The following NBR1 variants were observed in gnomAD, a reference collection of about 807,000 sequenced individuals.
NBR1 encodes next to BRCA1 gene 1 protein.
NBR1 carries 59 observed loss-of-function variants against 115.5 expected under a neutral mutation model. That is an observed-to-expected ratio of 0.51 (90% CI 0.41 to 0.63). NBR1 has a LOEUF of 0.63. Among genes scored for constraint, NBR1 ranks in the 30% least tolerant of loss-of-function variants. The probability of loss-of-function intolerance (pLI) is 0.00; values close to 1 mark genes in which losing one functional copy is unlikely to be tolerated. For synonymous variants in NBR1, 373 were observed against 414.7 expected, an observed-to-expected ratio of 0.90 and a Z score of 1.22; for missense variants, 1,043 against 1,150.5, an observed-to-expected ratio of 0.91 and a Z score of 1.35.
chr17:43,208,195 C>G (rs2057352521), intron 20 of NBR1, among the ~76,000 whole-genome samples: 1 of 152,098 alleles, frequency 6.6e-6, no homozygotes, highest in African/African-American at 2.4e-5. Context: ...CAGGCTACAA[C>G]AGGCAGAAGC....
At chr17:43,181,881 G>A (rs1279747738) in intron 5 of NBR1, among the ~76,000 whole-genome samples, 1 of 149,338 alleles carries the variant, frequency 6.7e-6, no homozygotes, top group Non-Finnish European at 1.5e-5. Context: ...CTACTTGGGA[G>A]GCCAAGGCAG....
At chr17:43,185,720 G>A (rs1326308687) in intron 5 of NBR1, among the ~76,000 whole-genome samples, 1 of 152,044 alleles carries the variant, frequency 6.6e-6, no homozygotes, top group Non-Finnish European at 1.5e-5. Flanking sequence ...TTCTAGGCTG[G>A]GCACGGTGGC....
chr17:43,173,565 A>T (rs879651626), intron 1 of NBR1, among the ~76,000 whole-genome samples: 11 of 152,196 alleles, frequency 7.2e-5, no homozygotes, highest in Admixed American at 3.3e-4. Flanking sequence ...AATTACAGAC[A>T]TGAGCCACTG....
At position 43,196,481 on chromosome 17, in the gene NBR1, A is replaced by T. The variant is rs2057070585; in HGVS notation, c.1751A>T (p.Asp584Val). Residue 584 changes from aspartate (D) to valine (V), a missense_variant and splice_region_variant, in exon 15 of 21, where the codon GAT (aspartate) becomes GTT (valine). Transcript: ENST00000590996. ...LERVPHNTPV[D>V]VTPCMSPLPH... ...TGGTTCTCCTGTCTTCATTCTCCAG[A>T]TGTGACTCCCTGCATGTCTCCTCTG... 1.3e-6 allele frequency: 2 copies of T among 1,560,698 alleles called. No individual in the cohort carries two copies. Among genetic ancestry groups the T allele is most frequent in the Non-Finnish European group, 1.7e-6 (2 of 1,154,654 alleles).
chr17:43,203,530 T>G, intron 19 of NBR1, 151 bp from the exon 20 acceptor site: 1 of 551,256 alleles, frequency 1.8e-6, no homozygotes, highest in Non-Finnish European at 3.3e-6. Flanking sequence ...TCTGTAGCTA[T>G]AAAGCTGATA....
Position 43,193,107 on chromosome 17 carries a change from C to T in NBR1, c.1087C>T (p.Pro363Ser). 1.2e-6 allele frequency: 2 copies of T among 1,613,916 alleles called. No individual in the cohort carries two copies. Among genetic ancestry groups the T allele is most frequent in the Non-Finnish European group, 1.7e-6 (2 of 1,179,860 alleles). Residue 363 changes from proline to serine, a missense_variant, in exon 11 of 21, where the codon CCC becomes TCC. By Grantham distance (74) the Pro-to-Ser change is moderately conservative. Transcript: ENST00000590996. ...QSNTLMLPLQ[P>S]CTSVMPMLSA... ...ATTTCTGTTCAGGCTCCCTTTGCAG[C>T]CCTGTACCTCCGTTATGCCAATGCT...
chr17:43,190,651 G>A lies in NBR1; in HGVS notation c.738G>A (p.Gly246=). The change falls in exon 9 of 21, where the codon GGG becomes GGA. Residue 246 remains glycine (G), a synonymous_variant. Transcript: ENST00000590996. ...SYNICEDCEA[G]PYGHDTNHVL... is the part of the protein sequence containing the mutation. ...ATATCTGTGAAGATTGTGAAGCAGGGCCATATGGCCATGACACTAACCACG... is the reference window on the plus strand; with the variant it reads ...ATATCTGTGAAGATTGTGAAGCAGGACCATATGGCCATGACACTAACCACG... 6.2e-7 allele frequency: 1 copy of A among 1,608,858 alleles called. No individual in the cohort carries two copies. Among genetic ancestry groups the A allele is most frequent in the Non-Finnish European group, 8.5e-7 (1 of 1,177,512 alleles).
rs757525307 is a variant in NBR1 at position 43,196,541 on chromosome 17, T to G, written c.1811T>G (p.Leu604Trp). 2 of 1,606,818 alleles carry G rather than the reference T, an allele frequency of 1.2e-6. No individual in the cohort carries two copies. Among genetic ancestry groups the G allele is most frequent in the East Asian group, 2.2e-5 (1 of 44,780 alleles). The change falls in exon 15 of 21, where the codon TTG becomes TGG. Residue 604 changes from leucine (L) to tryptophan (W), a missense_variant. Leu to Trp is a moderately conservative substitution (Grantham distance 61). Coordinates refer to ENST00000590996, the MANE Select transcript of NBR1 (RefSeq NM_005899.5). ...AGTCCTTTAATAGAGAAGCCAGGCT[T>G]GGGGCAGATAGAGGAAGAGAATGAA... Reference protein sequence around the residue: ...HDSPLIEKPGLGQIEEENEGA... With the variant: ...HDSPLIEKPGWGQIEEENEGA...
At chr17:43,190,247 T>G in intron 8 of NBR1, 1 of 319,284 alleles carries the variant, frequency 3.1e-6, no homozygotes, top group South Asian at 2.9e-5. Context: ...CTTTTAATTA[T>G]TTTTTTGGAG....
intron 5 of NBR1, among the ~76,000 whole-genome samples, chr17:43,185,177 G>T (rs967093359): frequency 1.3e-5 from 2 of 151,978 alleles, no homozygotes; most frequent in African/African-American, 4.8e-5. Flanking sequence ...ACTTTTATGG[G>T]TTTTTTTGTT....
chr17:43,186,045 A>C (rs1266685278), intron 5 of NBR1, among the ~76,000 whole-genome samples: 2 of 110,820 alleles, frequency 1.8e-5, no homozygotes, highest in Non-Finnish European at 4.3e-5. Context: ...TAAATAAATA[A>C]ATAAATTTCT....
At chr17:43,209,602 T>G (rs1007046279) in intron 20 of NBR1, 1 of 1,535,628 alleles carries the variant, frequency 6.5e-7, no homozygotes, top group African/African-American at 1.4e-5. Context: ...CAAAAAATGC[T>G]TCTTCCTGAA....
chr17:43,203,870 C>T (rs1162752963), intron 20 of NBR1, 84 bp downstream of exon 20: 1 of 779,024 alleles, frequency 1.3e-6, no homozygotes, highest in South Asian at 1.9e-5. Flanking sequence ...TGAAGAGTAA[C>T]ATGGCATTGT....
At chr17:43,203,572 A>C (rs2057249612) in intron 19 of NBR1, 109 bp from the exon 20 acceptor site, 1 of 644,842 alleles carries the variant, frequency 1.6e-6, no homozygotes, top group Admixed American at 2.9e-5. Context: ...TTTTCCATCT[A>C]ATTTTTTCTC....
chr17:43,203,683 A>G lies in NBR1; in HGVS notation c.2624A>G (p.His875Arg). Residue 875 changes from histidine (H) to arginine (R), a missense_variant and splice_region_variant, in exon 20 of 21, where the codon CAC (histidine) becomes CGC (arginine). His to Arg is a conservative substitution (Grantham distance 29). Coordinates refer to ENST00000590996, the MANE Select transcript of NBR1 (RefSeq NM_005899.5). Reference protein sequence around the residue: ...SRQKSYDHSRHHHGSSIAGGL... With the variant: ...SRQKSYDHSRRHHGSSIAGGL... ...GATAATTTGGTTTTCCTCTGCAGGCACCATCATGGGAGCAGCATTGCTGGA... is the reference window on the plus strand; with the variant it reads ...GATAATTTGGTTTTCCTCTGCAGGCGCCATCATGGGAGCAGCATTGCTGGA... The G allele has an allele frequency of 6.2e-7, 1 of 1,603,754 alleles. No homozygotes were observed. Among genetic ancestry groups the G allele is most frequent in the South Asian group, 1.1e-5 (1 of 89,730 alleles).
intron 20 of NBR1, chr17:43,209,537 A>T: frequency 6.6e-7 from 1 of 1,523,610 alleles, no homozygotes; most frequent in Non-Finnish European, 8.8e-7. Flanking sequence ...CCATCATCAC[A>T]ATTACACTTA....
rs751269591 is a variant in NBR1 at position 43,210,109 on chromosome 17, C to G, written c.*35C>G. The G allele has an allele frequency of 1.9e-6, 3 of 1,576,168 alleles. No homozygotes were observed. The African/African-American group carries it at 4.1e-5, about 21-fold the overall frequency. On this transcript the variant is annotated 3_prime_UTR_variant, in exon 21 of 21. Coordinates refer to ENST00000590996, the MANE Select transcript of NBR1 (RefSeq NM_005899.5). ...TTGTATTAAATAACTGCCTGCTGCTCAGAGATGATCTTTATTCTGTCATTG... is the reference window on the plus strand; with the variant it reads ...TTGTATTAAATAACTGCCTGCTGCTGAGAGATGATCTTTATTCTGTCATTG...
intron 5 of NBR1, among the ~76,000 whole-genome samples, chr17:43,181,142 G>A (rs562682430): frequency 6.6e-6 from 1 of 152,322 alleles, no homozygotes; most frequent in African/African-American, 2.4e-5. Flanking sequence ...CAAGTGCTGG[G>A]ATTATAGGCA....
rs774012145 is a variant in NBR1 at position 43,175,890 on chromosome 17, A to G, written c.91A>G (p.Ile31Val). 3.2e-6 allele frequency: 5 copies of G among 1,581,358 alleles called. No homozygotes were observed. The East Asian group carries it at 8.9e-5, about 28-fold the overall frequency. The change falls in exon 2 of 21, where the codon ATC (isoleucine) becomes GTC (valine). Residue 31 changes from isoleucine (I) to valine (V), a missense_variant. Ile to Val is a conservative substitution (Grantham distance 29, BLOSUM62 3). Coordinates refer to ENST00000590996, the MANE Select transcript of NBR1 (RefSeq NM_005899.5). Reference sequence around the variant, plus strand: ...TCCAGAAAATACAACTTGGGCTGATATCGAAGCTATGGTGAGTGTTACTTT... The same window carrying G: ...TCCAGAAAATACAACTTGGGCTGATGTCGAAGCTATGGTGAGTGTTACTTT... ...SDPENTTWADIEAMVKVSFDL... is the reference protein window; with the variant it reads ...SDPENTTWADVEAMVKVSFDL...
Sources: allele counts gnomAD v4.1 joint callset (sites outside exome capture counted in the v4.1 genomes callset), GRCh38; gene constraint gnomAD v4.1.1; transcripts MANE v1.5; gene names NCBI Gene and HGNC (gene_info 2026-07-23, HGNC 2026-07-21).